Variants in SH3RF3 observed in about 807,000 individuals in gnomAD.
The protein encoded by SH3RF3 is E3 ubiquitin-protein ligase SH3RF3.
Under a neutral mutation model 66.3 loss-of-function variants are expected in SH3RF3, and 29 were observed. The ratio of observed to expected loss-of-function variants is 0.44; its 90% CI spans 0.33 to 0.60. The LOEUF is 0.60. SH3RF3 is among the 20% of genes least tolerant of loss of function. The pLI, the probability that SH3RF3 is intolerant of heterozygous loss-of-function variation, is 0.04. For missense variants in SH3RF3, 1,194 were observed against 1,190.9 expected, an observed-to-expected ratio of 1.00 and a Z score of -0.04; for synonymous variants, 583 against 532.0, an observed-to-expected ratio of 1.10 and a Z score of -1.32.
chr2:109,157,360 G>T (rs906873014), intron 1 of SH3RF3, among the ~76,000 whole-genome samples: 1 of 152,200 alleles, frequency 6.6e-6, no homozygotes, highest in East Asian at 1.9e-4. Flanking sequence ...TATTGCATTC[G>T]CTTTATAGAC....
At chr2:109,266,672 C>A (rs1680504012) in intron 1 of SH3RF3, among the ~76,000 whole-genome samples, 1 of 151,936 alleles carries the variant, frequency 6.6e-6, no homozygotes, top group Non-Finnish European at 1.5e-5. Flanking sequence ...GCTCAGGAGC[C>A]AGTGCTCAGC....
intron 1 of SH3RF3, among the ~76,000 whole-genome samples, chr2:109,267,623 C>CGGGAGCCAG (rs1217509596): frequency 2.0e-5 from 3 of 152,086 alleles, no homozygotes; most frequent in African/African-American, 7.2e-5. Flanking sequence ...GAGGGAGGGC[C>CGGGAGCCAG]GGGAGCCAGG....
At chr2:109,409,129 T>A (rs1352460174) in intron 4 of SH3RF3, among the ~76,000 whole-genome samples, 2 of 152,236 alleles carry the variant, frequency 1.3e-5, no homozygotes, top group Non-Finnish European at 2.9e-5. Context: ...CCTCCCATAT[T>A]CCACTGTTTT....
intron 1 of SH3RF3, among the ~76,000 whole-genome samples, chr2:109,330,032 A>G (rs2105484603): frequency 6.6e-6 from 1 of 152,354 alleles, no homozygotes; most frequent in Non-Finnish European, 1.5e-5. Context: ...CCTGGCCCTT[A>G]CAAAACATTG....
chr2:109,193,531 T>G (rs1293910714), intron 1 of SH3RF3, among the ~76,000 whole-genome samples: 1 of 152,218 alleles, frequency 6.6e-6, no homozygotes, highest in African/African-American at 2.4e-5. Flanking sequence ...ATATCTGGCT[T>G]CTTTCATTCC....
rs553450151 is a variant in SH3RF3 at position 109,402,219 on chromosome 2, C to T, written c.1299+3276C>T. 9.8e-5 allele frequency among the ~76,000 whole-genome samples: 15 copies of T among 152,348 alleles called. No individual in the cohort carries two copies. The East Asian group carries it at 2.7e-3, about 27-fold the overall frequency. On this transcript the variant is annotated intron_variant, in intron 4 of 9. Transcript: ENST00000309415. ...TTCCTGGTTCCTACCACCTTGCTGG[C>T]CATGTGCGTCTGACCAGGAAGTGCC...
At chr2:109,134,502 A>C (rs1676774050) in intron 1 of SH3RF3, among the ~76,000 whole-genome samples, 1 of 152,212 alleles carries the variant, frequency 6.6e-6, no homozygotes, top group African/African-American at 2.4e-5. Flanking sequence ...TTTATTGAGC[A>C]CCCAGTGGGA....
intron 1 of SH3RF3, among the ~76,000 whole-genome samples, chr2:109,347,262 G>A (rs564995974): frequency 1.8e-4 from 28 of 152,252 alleles, no homozygotes; most frequent in Non-Finnish European, 3.5e-4. Flanking sequence ...AAGAAATTCC[G>A]AGCCCAGACC....
In SH3RF3 at chr2:109,304,300, T is replaced by C. The variant is rs1356611310; in HGVS notation, c.574-43374T>C. Among the ~76,000 whole-genome samples the C allele has an allele frequency of 2.0e-5, 3 of 152,126 alleles. No homozygotes were observed. In the East Asian group the frequency reaches 5.8e-4, roughly 29 times the overall value. On this transcript the variant is annotated intron_variant, in intron 1 of 9. Coordinates refer to ENST00000309415, the MANE Select transcript of SH3RF3 (RefSeq NM_001099289.3). The stretch of plus-strand genomic sequence containing the variant: ...CATTCTACTCCCTGCTTCTAGGAGA[T>C]TGACTTTTTAGCTCCAACATATAAG...
intron 1 of SH3RF3, among the ~76,000 whole-genome samples, chr2:109,321,585 ACAAT>A (rs774298623): frequency 3.3e-5 from 5 of 152,258 alleles, no homozygotes; most frequent in Non-Finnish European, 7.3e-5. Flanking sequence ...AGGAGATGAG[ACAAT>A]CAATAGAGGA....
intron 1 of SH3RF3, among the ~76,000 whole-genome samples, chr2:109,181,497 G>A (rs576508495): frequency 6.6e-5 from 10 of 151,758 alleles, no homozygotes; most frequent in South Asian, 6.2e-4. Context: ...ACACACACAC[G>A]CACACTAACA....
At chr2:109,369,559 G>A (rs1194797736) in intron 2 of SH3RF3, among the ~76,000 whole-genome samples, 1 of 152,142 alleles carries the variant, frequency 6.6e-6, no homozygotes, top group Non-Finnish European at 1.5e-5. Flanking sequence ...TGGTTTGGGT[G>A]TTTTTGAAGC....
At chr2:109,137,026 A>G (rs939233567) in intron 1 of SH3RF3, among the ~76,000 whole-genome samples, 2 of 152,248 alleles carry the variant, frequency 1.3e-5, no homozygotes, top group Non-Finnish European at 2.9e-5. Flanking sequence ...TACAGTGGAC[A>G]CTGGGGGCTC....
At position 109,418,574 on chromosome 2, in the gene SH3RF3, T is replaced by C. The variant is rs147217531; in HGVS notation, c.1300-965T>C. Among the ~76,000 whole-genome samples, 37 of 152,076 alleles carry C rather than the reference T, an allele frequency of 2.4e-4. No individual in the cohort carries two copies. In the East Asian group the frequency reaches 5.4e-3, roughly 22 times the overall value. The stretch of plus-strand genomic sequence containing the variant: ...TTCCCCTCCACATCCCGGTCCTCCT[T>C]CTCTGTGTTGTAAGGATACTCATCA... On this transcript the variant is annotated intron_variant, in intron 4 of 9. Transcript: ENST00000309415.
intron 1 of SH3RF3, among the ~76,000 whole-genome samples, chr2:109,145,636 T>C (rs1294500215): frequency 6.6e-6 from 1 of 152,196 alleles, no homozygotes. Context: ...GTTTCTAGAC[T>C]CTCGTGGACT....
intron 1 of SH3RF3, among the ~76,000 whole-genome samples, chr2:109,136,439 G>C (rs577027509): frequency 1.3e-5 from 2 of 152,294 alleles, no homozygotes; most frequent in Admixed American, 1.3e-4. Context: ...TGGCAACAGT[G>C]AATGGTTTAC....
chr2:109,466,351 G>C (rs1287946773), intron 8 of SH3RF3, among the ~76,000 whole-genome samples: 1 of 152,134 alleles, frequency 6.6e-6, no homozygotes, highest in Non-Finnish European at 1.5e-5. Context: ...AAAGTGCTGG[G>C]ATTATAGGCG....
chr2:109,455,522 G>T (rs544607873), intron 8 of SH3RF3, among the ~76,000 whole-genome samples: 1 of 104,104 alleles, frequency 9.6e-6, no homozygotes, highest in East Asian at 2.5e-4. Context: ...TCATATATGT[G>T]TGTTACTATG....
At chr2:109,454,105 C>A (rs1262735932) in intron 8 of SH3RF3, among the ~76,000 whole-genome samples, 1 of 152,184 alleles carries the variant, frequency 6.6e-6, no homozygotes, top group Non-Finnish European at 1.5e-5. Flanking sequence ...ACTTACATTA[C>A]ATGGTGAGAT....
Sources: allele counts gnomAD v4.1 joint callset (sites outside exome capture counted in the v4.1 genomes callset), GRCh38; gene constraint gnomAD v4.1.1; transcripts MANE v1.5; gene names NCBI Gene and HGNC (gene_info 2026-07-23, HGNC 2026-07-21).